SLIT1: variants seen among roughly 807,000 people sequenced by gnomAD.
SLIT1 encodes slit guidance ligand 1.
Under a neutral mutation model 186.1 loss-of-function variants are expected in SLIT1, and 66 were observed. That is an observed-to-expected ratio of 0.35 (90% confidence interval 0.29 to 0.44). The LOEUF (loss-of-function observed/expected upper bound fraction) is 0.44. SLIT1 is among the 20% of genes least tolerant of loss of function. The pLI, the probability that SLIT1 is intolerant of heterozygous loss-of-function variation, is 1.00. For synonymous variants in SLIT1, 761 were observed against 833.8 expected (o/e 0.91, Z 1.50); for missense variants, 1,638 against 2,037.4 (o/e 0.80, Z 3.77).
intron 4 of SLIT1, among the ~76,000 whole-genome samples, chr10:97,125,798 C>T (rs1472252195): frequency 1.3e-5 from 2 of 151,892 alleles, no homozygotes; most frequent in African/African-American, 2.4e-5. Context: ...GAGATCGCAC[C>T]ACTGAGCTCC....
intron 4 of SLIT1, among the ~76,000 whole-genome samples, chr10:97,076,520 C>T (rs1002221401): frequency 8.5e-5 from 13 of 152,174 alleles, no homozygotes; most frequent in African/African-American, 2.4e-4. Context: ...GCAAGTACCC[C>T]TCCCTGCCTG....
At chr10:97,155,434 T>C in intron 4 of SLIT1, 1 of 151,028 alleles carries the variant, frequency 6.6e-6, no homozygotes, top group Non-Finnish European at 1.5e-5. Flanking sequence ...AGGGAGGGAG[T>C]CCCCTGCAGA....
In SLIT1 at chr10:97,047,958, C is replaced by T. The variant is rs1848749943; in HGVS notation, c.1489+15G>A. 1 of 1,614,024 alleles carries T rather than the reference C, an allele frequency of 6.2e-7. No individual in the cohort carries two copies. Among genetic ancestry groups the T allele is most frequent in the Non-Finnish European group, 8.5e-7 (1 of 1,179,894 alleles). The stretch of plus-strand genomic sequence containing the variant: ...ATTCCCGCCAGGCTGGCCTTGGATC[C>T]CCCCACTCTCCTACCTGGAATGAAG... On this transcript the variant is annotated intron_variant, in intron 15 of 36. Transcript: ENST00000266058.
At chr10:97,113,533 C>G (rs1215642651) in intron 4 of SLIT1, among the ~76,000 whole-genome samples, 2 of 150,300 alleles carry the variant, frequency 1.3e-5, no homozygotes, top group East Asian at 3.9e-4. Flanking sequence ...CCACCATGCT[C>G]AGCCCCAAAC....
intron 32 of SLIT1, among the ~76,000 whole-genome samples, chr10:97,005,416 T>C (rs1848351683): frequency 6.6e-6 from 1 of 152,188 alleles, no homozygotes; most frequent in Non-Finnish European, 1.5e-5. Flanking sequence ...TCCCTCCGTT[T>C]CTTCTGGTAA....
Position 97,116,953 on chromosome 10 carries a change from T to C in SLIT1, c.413+40865A>G, listed in dbSNP as rs146530667. Among the ~76,000 whole-genome samples, 69 of 152,216 alleles carry C rather than the reference T, an allele frequency of 4.5e-4. 1 individual carries two copies. The highest frequency in any genetic ancestry group is 6.8e-3 in the Middle Eastern group (2 of 294). On this transcript the variant is annotated intron_variant, in intron 4 of 36. Transcript: ENST00000266058. Reference sequence around the variant, plus strand: ...CTGTCTGTGAAATGACAACACACTCTGCTGCCCACTGTTGTGAGGTAACAG... The same window carrying C: ...CTGTCTGTGAAATGACAACACACTCCGCTGCCCACTGTTGTGAGGTAACAG...
chr10:97,057,189 A>T (rs372429955), intron 12 of SLIT1, 21 bp downstream of exon 12: 217 of 1,604,956 alleles, frequency 1.4e-4, no homozygotes, highest in Admixed American at 6.8e-4. Context: ...CCCACCCAAG[A>T]CACCCAGGAT....
At chr10:97,075,860 G>T (rs1849040595) in intron 4 of SLIT1, among the ~76,000 whole-genome samples, 1 of 152,182 alleles carries the variant, frequency 6.6e-6, no homozygotes, top group South Asian at 2.1e-4. Context: ...TCCCCAGCTG[G>T]AGCCAAAGCA....
At chr10:97,161,441 C>T (rs757463319) in intron 3 of SLIT1, among the ~76,000 whole-genome samples, 1 of 152,184 alleles carries the variant, frequency 6.6e-6, no homozygotes. Flanking sequence ...ACGAGGCAAT[C>T]GGATTCTTTT....
chr10:97,143,869 T>A (rs1849790410), intron 4 of SLIT1, among the ~76,000 whole-genome samples: 1 of 152,214 alleles, frequency 6.6e-6, no homozygotes, highest in Non-Finnish European at 1.5e-5. Context: ...TAGGAAGGAC[T>A]TTTGATGCTC....
chr10:97,165,213 C>G (rs1185596541), intron 1 of SLIT1, among the ~76,000 whole-genome samples: 1 of 152,222 alleles, frequency 6.6e-6, no homozygotes, highest in Non-Finnish European at 1.5e-5. Flanking sequence ...GGAAACTAGT[C>G]AAGAAGACAG....
intron 4 of SLIT1, among the ~76,000 whole-genome samples, chr10:97,072,074 G>A (rs1317707342): frequency 1.3e-5 from 2 of 152,238 alleles, no homozygotes; most frequent in Admixed American, 6.5e-5. Flanking sequence ...TGGGAAGCAA[G>A]TGTCAGCTGG....
chr10:97,059,879 C>A (rs1389905437), intron 10 of SLIT1, among the ~76,000 whole-genome samples: 1 of 152,220 alleles, frequency 6.6e-6, no homozygotes, highest in East Asian at 1.9e-4. Flanking sequence ...CAGGCTCAGG[C>A]TCAGCACTCC....
At chr10:97,172,808 C>T (rs1269468574) in intron 1 of SLIT1, among the ~76,000 whole-genome samples, 1 of 151,954 alleles carries the variant, frequency 6.6e-6, no homozygotes, top group Non-Finnish European at 1.5e-5. Context: ...GTGGGGGGAT[C>T]ACTTGAGCCC....
chr10:97,083,872 G>A (rs1046112646), intron 4 of SLIT1, among the ~76,000 whole-genome samples: 6 of 152,180 alleles, frequency 3.9e-5, no homozygotes, highest in East Asian at 1.9e-4. Flanking sequence ...TGAGGTCTCC[G>A]AGAATGAAGA....
At chr10:97,172,594 C>T (rs777779225) in intron 1 of SLIT1, among the ~76,000 whole-genome samples, 30 of 152,082 alleles carry the variant, frequency 2.0e-4, no homozygotes, top group Non-Finnish European at 3.5e-4. Context: ...TTCCCTACTC[C>T]GAAAATAAAA....
chr10:97,030,301 T>G (rs1848579579), intron 25 of SLIT1, among the ~76,000 whole-genome samples: 1 of 152,230 alleles, frequency 6.6e-6, no homozygotes, highest in Admixed American at 6.5e-5. Context: ...GAGCTTATCC[T>G]GCACTGTGTG....
At chr10:97,130,648 C>T (rs1333201790) in intron 4 of SLIT1, among the ~76,000 whole-genome samples, 1 of 152,186 alleles carries the variant, frequency 6.6e-6, no homozygotes, top group Non-Finnish European at 1.5e-5. Context: ...CTTCTTCTTT[C>T]TAAGTGTGTG....
intron 4 of SLIT1, among the ~76,000 whole-genome samples, chr10:97,150,473 A>C (rs1283340601): frequency 6.6e-6 from 1 of 152,040 alleles, no homozygotes; most frequent in Non-Finnish European, 1.5e-5. Flanking sequence ...GCTCCTGTGA[A>C]TCTCATATCC....
Sources: gnomAD v4.1 joint callset for allele counts (sites outside exome capture counted in the v4.1 genomes callset) on GRCh38, gnomAD v4.1.1 for gene constraint, MANE v1.5 for transcripts, NCBI Gene and HGNC (gene_info 2026-07-23, HGNC 2026-07-21) for gene names.